DPF3: variants seen among roughly 807,000 people sequenced by gnomAD.
DPF3 encodes the protein zinc finger protein DPF3.
Under a neutral mutation model 56.8 loss-of-function variants are expected in DPF3, and 18 were observed. The ratio of observed to expected loss-of-function variants is 0.32; its 90% CI spans 0.22 to 0.47. The LOEUF is 0.47. DPF3 is among the 20% of genes least tolerant of loss of function. The probability of loss-of-function intolerance (pLI) is 1.00; values close to 1 mark genes in which losing one functional copy is unlikely to be tolerated. For synonymous variants in DPF3, 188 were observed against 180.2 expected, an observed-to-expected ratio of 1.04 and a Z score of -0.35; for missense variants, 403 against 488.8, an observed-to-expected ratio of 0.82 and a Z score of 1.65.
intron 4 of DPF3, among the ~76,000 whole-genome samples, chr14:72,730,489 T>A (rs536522213): frequency 6.6e-6 from 1 of 152,280 alleles, no homozygotes; most frequent in Admixed American, 6.5e-5. Context: ...ATTCATTCAA[T>A]GCCTTTATCG....
At chr14:72,805,760 C>T (rs1027365760) in intron 1 of DPF3, among the ~76,000 whole-genome samples, 6 of 152,110 alleles carry the variant, frequency 3.9e-5, no homozygotes, top group African/African-American at 1.2e-4. Flanking sequence ...GTATTAGAAT[C>T]GCTTGAACCT....
At chr14:72,883,365 G>A (rs1427786501) in intron 1 of DPF3, among the ~76,000 whole-genome samples, 3 of 152,156 alleles carry the variant, frequency 2.0e-5, no homozygotes, top group Non-Finnish European at 4.4e-5. Context: ...AGCTGAGGTG[G>A]GAGATCACTT....
intron 5 of DPF3, among the ~76,000 whole-genome samples, chr14:72,715,317 C>T (rs1888868366): frequency 6.6e-6 from 1 of 152,216 alleles, no homozygotes; most frequent in African/African-American, 2.4e-5. Context: ...GGCAGCTCTG[C>T]AGCCCCAGGG....
At chr14:72,782,439 G>A (rs777203292) in intron 1 of DPF3, among the ~76,000 whole-genome samples, 3 of 152,106 alleles carry the variant, frequency 2.0e-5, no homozygotes, top group African/African-American at 4.8e-5. Flanking sequence ...TGCCCAGCCT[G>A]GTCTGGAACT....
chr14:72,662,455 T>G, intron 8 of DPF3: 1 of 983,166 alleles, frequency 1.0e-6, no homozygotes, highest in Non-Finnish European at 1.2e-6. Flanking sequence ...ATAAATAAAA[T>G]AGTTAACTCT....
At chr14:72,883,926 CAAAAAA>C (rs5809597) in intron 1 of DPF3, among the ~76,000 whole-genome samples, 2 of 121,700 alleles carry the variant, frequency 1.6e-5, no homozygotes, top group Admixed American at 8.3e-5. Flanking sequence ...GACTCTGTCT[CAAAAAA>C]AAAAAAAAAA....
At chr14:72,776,749 T>C (rs1419018614) in intron 1 of DPF3, among the ~76,000 whole-genome samples, 1 of 152,068 alleles carries the variant, frequency 6.6e-6, no homozygotes, top group African/African-American at 2.4e-5. Flanking sequence ...TCTGGTTCTG[T>C]GCTCTGACCT....
At chr14:72,654,183 G>C (rs1205292651) in intron 8 of DPF3, among the ~76,000 whole-genome samples, 1 of 152,066 alleles carries the variant, frequency 6.6e-6, no homozygotes, top group African/African-American at 2.4e-5. Flanking sequence ...ACATACCTGT[G>C]ACTCCCCCCA....
chr14:72,750,853 C>G (rs1890544583), intron 3 of DPF3, among the ~76,000 whole-genome samples: 1 of 139,844 alleles, frequency 7.2e-6, no homozygotes, highest in Non-Finnish European at 1.5e-5. Context: ...GAGACTGGGT[C>G]TTATTTTTCA....
At chr14:72,822,384 C>CA (rs1883590100) in intron 1 of DPF3, among the ~76,000 whole-genome samples, 1 of 151,252 alleles carries the variant, frequency 6.6e-6, no homozygotes, top group South Asian at 2.1e-4. Context: ...AACTCCATCT[C>CA]AAAAAAATAA....
chr14:72,725,929 A>G (rs1485827395), intron 4 of DPF3, among the ~76,000 whole-genome samples: 2 of 152,164 alleles, frequency 1.3e-5, no homozygotes, highest in African/African-American at 2.4e-5. Context: ...TTTATTTGGG[A>G]ATCCACCAGC....
intron 1 of DPF3, among the ~76,000 whole-genome samples, chr14:72,838,534 C>T (rs1433170635): frequency 6.6e-6 from 1 of 152,012 alleles, no homozygotes; most frequent in African/African-American, 2.4e-5. Flanking sequence ...TCCATTCACA[C>T]TGGAAACATC....
At chr14:72,801,849 G>A (rs772509424) in intron 1 of DPF3, among the ~76,000 whole-genome samples, 2 of 152,208 alleles carry the variant, frequency 1.3e-5, no homozygotes, top group African/African-American at 2.4e-5. Flanking sequence ...GACTGAAGGT[G>A]TAGGACAGTA....
chr14:72,732,811 T>G (rs114844953), intron 3 of DPF3, among the ~76,000 whole-genome samples: 1,647 of 151,850 alleles, frequency 0.011, 28 homozygotes, highest in African/African-American at 0.038. Flanking sequence ...TTTCTTTCTT[T>G]TCTTTCTTTC....
chr14:72,876,626 G>C (rs1886126138), intron 1 of DPF3, among the ~76,000 whole-genome samples: 1 of 152,130 alleles, frequency 6.6e-6, no homozygotes, highest in Non-Finnish European at 1.5e-5. Context: ...CAGAAAGGAA[G>C]GGTGTCCCCA....
chr14:72,827,014 C>A (rs1207396744), intron 1 of DPF3, among the ~76,000 whole-genome samples: 6 of 147,002 alleles, frequency 4.1e-5, no homozygotes, highest in African/African-American at 1.5e-4. Context: ...TGCACTCCAG[C>A]CTGGGCAACA....
intron 1 of DPF3, among the ~76,000 whole-genome samples, chr14:72,847,224 T>C (rs1036361069): frequency 2.0e-5 from 3 of 152,162 alleles, no homozygotes; most frequent in Non-Finnish European, 4.4e-5. Context: ...CCAGACCGCG[T>C]CCTAAGAGCT....
intron 8 of DPF3, among the ~76,000 whole-genome samples, chr14:72,643,178 T>C (rs772339681): frequency 3.9e-5 from 6 of 152,234 alleles, no homozygotes; most frequent in Non-Finnish European, 7.3e-5. Flanking sequence ...CCAATGGCAT[T>C]TCAGCTCCTT....
intron 1 of DPF3, among the ~76,000 whole-genome samples, chr14:72,775,545 C>T (rs930886473): frequency 2.6e-5 from 4 of 152,216 alleles, no homozygotes; most frequent in Admixed American, 6.5e-5. Context: ...ACTTTCATAA[C>T]ATGCAATGTT....
Sources: allele counts gnomAD v4.1 joint callset (sites outside exome capture counted in the v4.1 genomes callset), GRCh38; gene constraint gnomAD v4.1.1; transcripts MANE v1.5; gene names NCBI Gene and HGNC (gene_info 2026-07-23, HGNC 2026-07-21).